The following RALGAPA2 variants were observed in gnomAD, a reference collection of about 807,000 sequenced individuals.
The protein encoded by RALGAPA2 is Ral GTPase activating protein catalytic subunit alpha 2, also known as ral GTPase-activating protein subunit alpha-2.
In RALGAPA2, 139 loss-of-function variants were observed where a neutral mutation model predicts 230.4. That is an observed-to-expected ratio of 0.60 (90% CI 0.53 to 0.69). The LOEUF is 0.69. Among genes scored for constraint, RALGAPA2 ranks in the 30% least tolerant of loss-of-function variants. The probability of loss-of-function intolerance (pLI) is 0.00; values close to 1 mark genes in which losing one functional copy is unlikely to be tolerated. For missense variants in RALGAPA2, 2,163 were observed against 2,276.0 expected, an observed-to-expected ratio of 0.95 and a Z score of 1.01; for synonymous variants, 847 against 837.8, an observed-to-expected ratio of 1.01 and a Z score of -0.19.
chr20:20,523,721 T>A (rs771469135), intron 30 of RALGAPA2, among the ~76,000 whole-genome samples: 104 of 152,100 alleles, frequency 6.8e-4, no homozygotes, highest in Non-Finnish European at 1.2e-3. Flanking sequence ...TCAACAAAAA[T>A]AAATTAATCT....
chr20:20,389,662 A>C lies in RALGAPA2; in HGVS notation c.*3627T>G, dbSNP rs945496736. ...TCCACTTTATTAAATCATCACAGTA[A>C]ATCAGAATTAAAGAGTAAAAGAGGT... On this transcript the variant is annotated 3_prime_UTR_variant, in exon 40 of 40. Coordinates refer to ENST00000202677, the MANE Select transcript of RALGAPA2 (RefSeq NM_020343.4). 11 of 151,984 alleles carry C rather than the reference A, an allele frequency of 7.2e-5. No homozygotes were observed. Among genetic ancestry groups the C allele is most frequent in the African/African-American group, 2.4e-4 (10 of 41,372 alleles). 9.4% of individuals were successfully genotyped at this position (151,984 alleles called of 1,614,324 possible). A position where few individuals can be genotyped will look rare whatever the true frequency, so the allele number is the denominator to read the frequency against.
At chr20:20,469,490 T>A (rs188738183) in intron 37 of RALGAPA2, among the ~76,000 whole-genome samples, 1 of 152,300 alleles carries the variant, frequency 6.6e-6, no homozygotes, top group African/African-American at 2.4e-5. Context: ...CAAAATTATT[T>A]TTTCTTAGGC....
chr20:20,402,537 G>A (rs2059866822), intron 38 of RALGAPA2, among the ~76,000 whole-genome samples: 1 of 152,200 alleles, frequency 6.6e-6, no homozygotes, highest in South Asian at 2.1e-4. Flanking sequence ...CTGCCTGTCT[G>A]GGCAATCCAG....
intron 37 of RALGAPA2, among the ~76,000 whole-genome samples, chr20:20,430,584 A>G (rs1244692061): frequency 6.6e-6 from 1 of 152,238 alleles, no homozygotes; most frequent in Admixed American, 6.5e-5. Context: ...GATCCTGATC[A>G]AGTATACTGG....
At chr20:20,552,988 A>C (rs1434391153) in intron 23 of RALGAPA2, among the ~76,000 whole-genome samples, 1 of 152,204 alleles carries the variant, frequency 6.6e-6, no homozygotes, top group Admixed American at 6.5e-5. Context: ...AACACAGCAG[A>C]GCACGGCGCC....
intron 37 of RALGAPA2, among the ~76,000 whole-genome samples, chr20:20,434,083 T>A (rs578056879): frequency 6.6e-6 from 1 of 152,176 alleles, no homozygotes; most frequent in Admixed American, 6.5e-5. Context: ...TCTGGGGGCC[T>A]GAAAAAGCCC....
At chr20:20,434,251 G>A (rs1036975762) in intron 37 of RALGAPA2, among the ~76,000 whole-genome samples, 45 of 152,210 alleles carry the variant, frequency 3.0e-4, no homozygotes, top group African/African-American at 9.6e-4. Flanking sequence ...GCCTCTCATG[G>A]GAACTCATGG....
intron 1 of RALGAPA2, among the ~76,000 whole-genome samples, chr20:20,711,430 T>A (rs773456836): frequency 2.6e-4 from 40 of 152,188 alleles, no homozygotes; most frequent in Non-Finnish European, 4.1e-4. Flanking sequence ...TGTCTATAGA[T>A]AGCAAAGGTG....
intron 39 of RALGAPA2, among the ~76,000 whole-genome samples, 198 bp downstream of exon 39, chr20:20,396,497 G>C (rs2059720072): frequency 6.6e-6 from 1 of 152,256 alleles, no homozygotes; most frequent in Non-Finnish European, 1.5e-5. Context: ...ACGGGCAGAA[G>C]AAAGGCAAGG....
intron 38 of RALGAPA2, among the ~76,000 whole-genome samples, chr20:20,397,927 A>T (rs1293415618): frequency 1.3e-5 from 2 of 152,142 alleles, no homozygotes; most frequent in African/African-American, 2.4e-5. Context: ...CACCGTTAAC[A>T]CCGTTCCTTC....
Position 20,398,057 on chromosome 20 carries a change from C to T in RALGAPA2, c.5618-1323G>A, listed in dbSNP as rs552014753. Among the ~76,000 whole-genome samples, 5 of 152,224 alleles carry T rather than the reference C, an allele frequency of 3.3e-5. No homozygotes were observed. In the East Asian group the frequency reaches 7.7e-4, roughly 24 times the overall value. Reference sequence around the variant, plus strand: ...GATTAATCATTTAGATTTCTGATTTCCCCCCAATGTGCTGTGCTGAAGGGC... The same window carrying T: ...GATTAATCATTTAGATTTCTGATTTTCCCCCAATGTGCTGTGCTGAAGGGC... On this transcript the variant is annotated intron_variant, in intron 38 of 39. Coordinates refer to ENST00000202677, the MANE Select transcript of RALGAPA2 (RefSeq NM_020343.4). This position sits in a 1 kb window ranked among gnomAD's most constrained non-coding sequence, Gnocchi z 4.5.
rs185440048 is a variant in RALGAPA2 at position 20,465,427 on chromosome 20, A to G, written c.5495+7402T>C. The stretch of plus-strand genomic sequence containing the variant: ...GCAGAGTGGCTGAGAGGAGACTCCC[A>G]GGTTAGGGGTCATCCCAGTGGGAAG... On this transcript the variant is annotated intron_variant, in intron 37 of 39. Transcript: ENST00000202677. Among the ~76,000 whole-genome samples, 6 of 152,252 alleles carry G rather than the reference A, an allele frequency of 3.9e-5. No individual in the cohort carries two copies. The East Asian group carries it at 1.2e-3, about 29-fold the overall frequency.
At chr20:20,434,071 C>T (rs1230414589) in intron 37 of RALGAPA2, among the ~76,000 whole-genome samples, 1 of 152,096 alleles carries the variant, frequency 6.6e-6, no homozygotes, top group Non-Finnish European at 1.5e-5. Context: ...ATGACTTGTT[C>T]ATCTGGGGGC....
chr20:20,416,776 A>T (rs779896417), intron 37 of RALGAPA2, among the ~76,000 whole-genome samples: 30 of 152,214 alleles, frequency 2.0e-4, no homozygotes, highest in Non-Finnish European at 2.9e-5. Context: ...TCAAAGAAAT[A>T]AAGAGAACTG....
At chr20:20,490,857 C>G (rs2062031297) in intron 36 of RALGAPA2, among the ~76,000 whole-genome samples, 1 of 108,870 alleles carries the variant, frequency 9.2e-6, no homozygotes, top group Non-Finnish European at 1.9e-5. Context: ...CATGAACACA[C>G]ATGAACACAC....
intron 14 of RALGAPA2, among the ~76,000 whole-genome samples, chr20:20,606,904 T>C (rs536549449): frequency 6.6e-6 from 1 of 152,284 alleles, no homozygotes; most frequent in Admixed American, 6.5e-5. Context: ...TCCAAATATA[T>C]CTTCCCTGAA....
intron 23 of RALGAPA2, among the ~76,000 whole-genome samples, chr20:20,560,991 G>C (rs2064241187): frequency 1.3e-5 from 2 of 152,204 alleles, no homozygotes; most frequent in African/African-American, 4.8e-5. Context: ...AGCCAAACAG[G>C]CTATGTATCT....
At position 20,462,221 on chromosome 20, in the gene RALGAPA2, T is replaced by A. The variant is rs144012300; in HGVS notation, c.5495+10608A>T. ...ACATACAGAATATCAGGTGTAGGTT[T>A]TCTAAGGAATAATGAGAAATCACCC... On this transcript the variant is annotated intron_variant, in intron 37 of 39. Coordinates refer to ENST00000202677, the MANE Select transcript of RALGAPA2 (RefSeq NM_020343.4). 2.6e-3 allele frequency among the ~76,000 whole-genome samples: 392 copies of A among 152,342 alleles called. 4 individuals are homozygous for A. Among genetic ancestry groups the A allele is most frequent in the African/African-American group, 8.9e-3 (368 of 41,576 alleles).
chr20:20,688,677 A>G (rs2068790650), intron 1 of RALGAPA2, among the ~76,000 whole-genome samples: 1 of 152,210 alleles, frequency 6.6e-6, no homozygotes, highest in South Asian at 2.1e-4. Flanking sequence ...GTTAGCAGAG[A>G]GTGTCAGGTC....
Sources: gnomAD v4.1 joint callset for allele counts (sites outside exome capture counted in the v4.1 genomes callset) on GRCh38, gnomAD v4.1.1 for gene constraint, Gnocchi (gnomAD v3.1) non-coding constraint, MANE v1.5 for transcripts, NCBI Gene and HGNC (gene_info 2026-07-23, HGNC 2026-07-21) for gene names.